TTLL5: variants seen among roughly 807,000 people sequenced by gnomAD.
TTLL5 encodes the protein tubulin tyrosine ligase like 5.
A neutral mutation model predicts 168.4 loss-of-function variants in TTLL5; 132 were observed. That is an observed-to-expected ratio of 0.78 (90% CI 0.68 to 0.91). The LOEUF is 0.91. Among genes scored for constraint, TTLL5 ranks in the 40% least tolerant of loss-of-function variants. TTLL5 has a pLI of 0.00. For synonymous variants in TTLL5, 546 were observed against 558.6 expected, an observed-to-expected ratio of 0.98 and a Z score of 0.32; for missense variants, 1,545 against 1,581.5, an observed-to-expected ratio of 0.98 and a Z score of 0.39.
At chr14:75,800,772 C>T (rs565669724) in intron 27 of TTLL5, among the ~76,000 whole-genome samples, 43 of 152,192 alleles carry the variant, frequency 2.8e-4, no homozygotes, top group African/African-American at 8.2e-4. Context: ...AGCTGCTGGG[C>T]TCTGGGCTGG....
At chr14:75,699,751 TC>T (rs1886128512) in intron 7 of TTLL5, among the ~76,000 whole-genome samples, 1 of 152,158 alleles carries the variant, frequency 6.6e-6, no homozygotes, top group African/African-American at 2.4e-5. Flanking sequence ...TTTCTGCCCT[TC>T]TTCGTCTCAT....
intron 26 of TTLL5, among the ~76,000 whole-genome samples, chr14:75,784,458 A>G (rs1892252379): frequency 6.6e-6 from 1 of 152,212 alleles, no homozygotes; most frequent in Non-Finnish European, 1.5e-5. Context: ...ATTCCATTGT[A>G]TGGATATACC....
chr14:75,754,577 A>C (rs1163970936), intron 18 of TTLL5, among the ~76,000 whole-genome samples: 1 of 152,228 alleles, frequency 6.6e-6, no homozygotes, highest in Non-Finnish European at 1.5e-5. Context: ...TGCATTAGCC[A>C]AAATGAGGAA....
At chr14:75,686,800 CT>C (rs1180796072) in intron 5 of TTLL5, among the ~76,000 whole-genome samples, 5 of 152,036 alleles carry the variant, frequency 3.3e-5, no homozygotes. Flanking sequence ...GGTTTGGGAG[CT>C]TGCTTTTAGT....
intron 30 of TTLL5, among the ~76,000 whole-genome samples, chr14:75,898,911 C>T (rs1188863886): frequency 1.3e-5 from 2 of 152,180 alleles, no homozygotes; most frequent in Non-Finnish European, 1.5e-5. Flanking sequence ...TAGCAAATTG[C>T]TGTTAACTTC....
At chr14:75,690,167 T>C in intron 5 of TTLL5, 25 bp from the exon 6 acceptor site, 2 of 1,612,712 alleles carry the variant, frequency 1.2e-6, no homozygotes, top group South Asian at 2.2e-5. Flanking sequence ...GTTTACTGAA[T>C]GGAAATACTT....
In TTLL5 at chr14:75,752,900, C is replaced by A; in HGVS notation, c.1495C>A (p.Leu499Ile). 1.2e-6 allele frequency: 2 copies of A among 1,613,096 alleles called. No homozygotes were observed. Among genetic ancestry groups the A allele is most frequent in the East Asian group, 2.2e-5 (1 of 44,820 alleles). ...SETWEIYGSY[L>I]EHKTSMNYML... ...TCTTTCTTTGCTTTTCAGGTCCTAC[C>A]TCGAGCATAAGACCTCAATGAACTA... Residue 499 changes from leucine to isoleucine, a missense_variant, in exon 18 of 32, where the codon CTC (leucine) becomes ATC (isoleucine). By Grantham distance (5) the Leu-to-Ile change is conservative. Transcript: ENST00000298832.
At chr14:75,669,607 A>G (rs1013946821) in intron 3 of TTLL5, 85 bp downstream of exon 3, 2 of 1,113,058 alleles carry the variant, frequency 1.8e-6, no homozygotes, top group African/African-American at 1.6e-5. Context: ...ACATATATAT[A>G]GGGAAAGGGC....
intron 17 of TTLL5, among the ~76,000 whole-genome samples, chr14:75,747,155 G>A (rs1239891626): frequency 2.6e-5 from 4 of 151,264 alleles, no homozygotes; most frequent in African/African-American, 9.7e-5. Context: ...GGATGGTTTT[G>A]TATTTCTGTG....
chr14:75,843,872 G>GTTTTATTTTA (rs1368060191), intron 28 of TTLL5, among the ~76,000 whole-genome samples: 9 of 39,772 alleles, frequency 2.3e-4, no homozygotes, highest in South Asian at 1.6e-3. Context: ...GTTTTGTTTT[G>GTTTTATTTTA]TTTTGTTTTA....
intron 26 of TTLL5, among the ~76,000 whole-genome samples, chr14:75,786,799 G>A (rs2140338474): frequency 6.6e-6 from 1 of 152,242 alleles, no homozygotes; most frequent in East Asian, 1.9e-4. Flanking sequence ...GTGTATGCAA[G>A]CAAGAAGCAT....
chr14:75,721,650 C>T (rs1263380058), intron 12 of TTLL5, among the ~76,000 whole-genome samples: 4 of 152,160 alleles, frequency 2.6e-5, no homozygotes, highest in Non-Finnish European at 5.9e-5. Flanking sequence ...GTTTCCTCAA[C>T]TATAAAATGG....
intron 9 of TTLL5, chr14:75,711,933 A>G (rs961865960): frequency 6.6e-6 from 1 of 152,380 alleles, no homozygotes; most frequent in South Asian, 2.1e-4. Flanking sequence ...ACTGTCCAGA[A>G]TCTGCCACAG....
At chr14:75,895,420 A>G (rs927982532) in intron 30 of TTLL5, among the ~76,000 whole-genome samples, 10 of 152,294 alleles carry the variant, frequency 6.6e-5, no homozygotes, top group East Asian at 1.9e-4. Flanking sequence ...AGCACATACT[A>G]TGTCACAAAT....
intron 15 of TTLL5, among the ~76,000 whole-genome samples, chr14:75,739,836 A>G (rs1014232494): frequency 6.6e-6 from 1 of 152,084 alleles, no homozygotes; most frequent in East Asian, 1.9e-4. Flanking sequence ...CACTAAGAAG[A>G]TTTACTCCCC....
At chr14:75,930,266 C>G (rs918510246) in intron 31 of TTLL5, among the ~76,000 whole-genome samples, 1 of 152,142 alleles carries the variant, frequency 6.6e-6, no homozygotes, top group Non-Finnish European at 1.5e-5. Context: ...AACAGAATTT[C>G]AAATTGTAGA....
chr14:75,816,924 G>C (rs1339470655), intron 27 of TTLL5, among the ~76,000 whole-genome samples: 3 of 151,006 alleles, frequency 2.0e-5, no homozygotes, highest in East Asian at 3.9e-4. Flanking sequence ...AGAGAAACTA[G>C]TGGCCAGAGA....
intron 8 of TTLL5, 104 bp downstream of exon 8, chr14:75,707,191 A>G: frequency 1.1e-6 from 1 of 875,948 alleles, no homozygotes; most frequent in Non-Finnish European, 1.8e-6. Context: ...CTGTTGTGAA[A>G]TTCTTGACAT....
chr14:75,888,440 G>A (rs553867478), intron 30 of TTLL5, among the ~76,000 whole-genome samples: 3 of 152,240 alleles, frequency 2.0e-5, no homozygotes, highest in Admixed American at 6.5e-5. Context: ...CACTTCCCTC[G>A]TCCTTCACCT....
Sources: gnomAD v4.1 joint callset for allele counts (sites outside exome capture counted in the v4.1 genomes callset) on GRCh38, gnomAD v4.1.1 for gene constraint, MANE v1.5 for transcripts, NCBI Gene and HGNC (gene_info 2026-07-23, HGNC 2026-07-21) for gene names.